Variants in RBFOX1 observed in about 807,000 individuals in gnomAD.
The protein encoded by RBFOX1 is RNA binding fox-1 homolog 1, also known as RNA binding protein fox-1 homolog 1.
Under a neutral mutation model 57.7 loss-of-function variants are expected in RBFOX1, and 8 were observed. The observed-to-expected ratio is 0.14, with a 90% CI of 0.08 to 0.25. The LOEUF (loss-of-function observed/expected upper bound fraction) is 0.25. Among genes scored for constraint, RBFOX1 ranks in the 10% least tolerant of loss-of-function variants. RBFOX1 has a pLI of 1.00. For synonymous variants in RBFOX1, 326 were observed against 222.4 expected (o/e 1.47, Z -4.15); for missense variants, 611 against 548.5 (o/e 1.11, Z -1.14).
At position 5,555,402 on chromosome 16, in the gene RBFOX1, C is replaced by T. The variant is rs538284549; in HGVS notation, c.259-43500C>T. ...AGTAGCTGGGACTACAGGCATGAGC[C>T]ACCAGGCCTGGCAAATTTTTGTATT... is the stretch of plus-strand genomic sequence containing the variant. On this transcript the variant is annotated intron_variant, in intron 2 of 2. Transcript: ENST00000585867. Among the ~76,000 whole-genome samples the T allele has an allele frequency of 6.8e-4, 103 of 152,126 alleles. 1 individual carries two copies. Among genetic ancestry groups the T allele is most frequent in the African/African-American group, 2.4e-3 (98 of 41,542 alleles).
intron 2 of RBFOX1, among the ~76,000 whole-genome samples, chr16:6,365,475 GATGGGTAGGTGT>G (rs1322166809): frequency 6.6e-6 from 1 of 151,960 alleles, no homozygotes; most frequent in Non-Finnish European, 1.5e-5. Flanking sequence ...TGGGTGGGTG[GATGGGTAGGTGT>G]ATGGATACCT....
At chr16:6,695,264 A>T (rs766882745) in intron 3 of RBFOX1, among the ~76,000 whole-genome samples, 2 of 151,954 alleles carry the variant, frequency 1.3e-5, no homozygotes, top group African/African-American at 4.8e-5. Flanking sequence ...TACTGAAAAT[A>T]AAAAATTAGC....
At chr16:6,531,604 C>A (rs1039716344) in intron 2 of RBFOX1, among the ~76,000 whole-genome samples, 1 of 152,076 alleles carries the variant, frequency 6.6e-6, no homozygotes, top group Admixed American at 6.6e-5. Context: ...TAAAAGTGGC[C>A]TTAATGTTCT....
rs1031148954 is a variant in RBFOX1 at position 5,463,603 on chromosome 16, C to T, written c.220-3613C>T. On this transcript the variant is annotated intron_variant, in intron 1 of 2. Transcript: ENST00000585867. ...TCACCTGAGGTCAGGAGTTTGAGAT[C>T]AGTCTGGCCAACGTGGTGAAACCCT... 5.3e-5 allele frequency among the ~76,000 whole-genome samples: 8 copies of T among 152,122 alleles called. No individual in the cohort carries two copies. In the South Asian group the frequency reaches 1.7e-3, roughly 32 times the overall value.
At chr16:5,695,998 A>T (rs1281221514) in intron 3 of RBFOX1, among the ~76,000 whole-genome samples, 1 of 152,238 alleles carries the variant, frequency 6.6e-6, no homozygotes, top group Non-Finnish European at 1.5e-5. Flanking sequence ...TATAGGGAAT[A>T]TGAGGATTAG....
chr16:6,046,426 A>G (rs2095496038), intron 1 of RBFOX1, among the ~76,000 whole-genome samples: 2 of 152,194 alleles, frequency 1.3e-5, no homozygotes, highest in Admixed American at 1.3e-4. Flanking sequence ...TCCATTTTAG[A>G]CAAGTTTGAG....
intron 3 of RBFOX1, among the ~76,000 whole-genome samples, chr16:6,856,364 G>C (rs955628405): frequency 6.6e-6 from 1 of 152,130 alleles, no homozygotes; most frequent in Non-Finnish European, 1.5e-5. Flanking sequence ...CTAGGATGAT[G>C]AGTAGACTAT....
At position 7,217,856 on chromosome 16, in the gene RBFOX1, G is replaced by A. The variant is rs529580109; in HGVS notation, c.27+165758G>A. The stretch of plus-strand genomic sequence containing the variant: ...GTCACTACTCACTGCATGTGTGTGG[G>A]CATGTGTGTACACGCGTGTGTGCAT... On this transcript the variant is annotated intron_variant, in intron 4 of 15. Transcript: ENST00000550418. Among the ~76,000 whole-genome samples, 3 of 152,252 alleles carry A rather than the reference G, an allele frequency of 2.0e-5. No homozygotes were observed. In the South Asian group the frequency reaches 6.2e-4, roughly 32 times the overall value.
At chr16:7,081,759 C>G (rs968864595) in intron 4 of RBFOX1, among the ~76,000 whole-genome samples, 2 of 152,020 alleles carry the variant, frequency 1.3e-5, no homozygotes, top group African/African-American at 4.8e-5. Context: ...ATCACCCTGG[C>G]CTTGGTAACA....
intron 4 of RBFOX1, among the ~76,000 whole-genome samples, chr16:7,122,951 G>A (rs1197582661): frequency 6.6e-6 from 1 of 151,964 alleles, no homozygotes; most frequent in Non-Finnish European, 1.5e-5. Flanking sequence ...AGTCTCAAAC[G>A]ATGACATAGT....
intron 4 of RBFOX1, among the ~76,000 whole-genome samples, chr16:7,091,481 T>C (rs981683878): frequency 4.6e-5 from 7 of 151,984 alleles, no homozygotes; most frequent in African/African-American, 1.2e-4. Flanking sequence ...GAGAGAGTTA[T>C]GCCAGGCGGC....
At chr16:6,691,305 C>T (rs1025848742) in intron 3 of RBFOX1, among the ~76,000 whole-genome samples, 5 of 152,112 alleles carry the variant, frequency 3.3e-5, no homozygotes, top group African/African-American at 1.2e-4. Flanking sequence ...GGTGGCAGAG[C>T]TTTAAGCCCG....
In RBFOX1 at chr16:7,589,840, C is replaced by A. The variant is rs113223498; in HGVS notation, c.468+2540C>A. Among the ~76,000 whole-genome samples, 355 of 151,762 alleles carry A rather than the reference C, an allele frequency of 2.3e-3. 5 individuals are homozygous for A. Among genetic ancestry groups the A allele is most frequent in the African/African-American group, 8.1e-3 (336 of 41,392 alleles). On this transcript the variant is annotated intron_variant, in intron 7 of 15. Transcript: ENST00000550418. ...AGTGGGCCCTTACGAGCCAGGAACT[C>A]ACCTTCTTGCCTTTCATTCTCTAGA...
intron 3 of RBFOX1, among the ~76,000 whole-genome samples, chr16:6,932,838 C>T (rs1021008567): frequency 6.6e-6 from 1 of 152,202 alleles, no homozygotes; most frequent in African/African-American, 2.4e-5. Flanking sequence ...CACTGTACAT[C>T]TCTAGAACAT....
At chr16:5,835,474 G>C (rs933734471) in intron 3 of RBFOX1, among the ~76,000 whole-genome samples, 4 of 152,200 alleles carry the variant, frequency 2.6e-5, no homozygotes, top group African/African-American at 9.7e-5. Flanking sequence ...CCTATTGTCA[G>C]ACTTTGTAGG....
chr16:7,262,946 G>C (rs1006638124), intron 4 of RBFOX1, among the ~76,000 whole-genome samples: 2 of 152,188 alleles, frequency 1.3e-5, no homozygotes, highest in Non-Finnish European at 1.5e-5. Flanking sequence ...GGACAAGAGA[G>C]TAAAATTTCT....
chr16:6,009,957 C>T (rs917572008), intron 4 of RBFOX1, among the ~76,000 whole-genome samples: 1 of 152,120 alleles, frequency 6.6e-6, no homozygotes, highest in African/African-American at 2.4e-5. Flanking sequence ...ACATACACTG[C>T]AGTTGGACAG....
chr16:6,492,871 A>G (rs1353896369), intron 2 of RBFOX1, among the ~76,000 whole-genome samples: 2 of 152,232 alleles, frequency 1.3e-5, no homozygotes, highest in Non-Finnish European at 2.9e-5. Context: ...GAAAGCAAAC[A>G]TACACATGCA....
At chr16:7,215,081 C>G (rs1244263555) in intron 4 of RBFOX1, among the ~76,000 whole-genome samples, 1 of 152,120 alleles carries the variant, frequency 6.6e-6, no homozygotes, top group African/African-American at 2.4e-5. Context: ...CGGACAGGCC[C>G]TGGTGTGTGA....
Sources: allele counts gnomAD v4.1 joint callset (sites outside exome capture counted in the v4.1 genomes callset), GRCh38; gene constraint gnomAD v4.1.1; transcripts MANE v1.5; gene names NCBI Gene and HGNC (gene_info 2026-07-23, HGNC 2026-07-21).